The following CNTN6 variants were observed in gnomAD, a reference collection of about 807,000 sequenced individuals.
CNTN6 encodes the protein contactin-6.
CNTN6 carries 137 observed loss-of-function variants against 122.8 expected under a neutral mutation model. That is an observed-to-expected ratio of 1.12 (90% CI 0.97 to 1.29). The LOEUF is 1.29. Among genes scored for constraint, CNTN6 ranks in the 50% most tolerant of loss-of-function variants. The pLI, the probability that CNTN6 is intolerant of heterozygous loss-of-function variation, is 0.00. For synonymous variants in CNTN6, 570 were observed against 426.0 expected (o/e 1.34, Z -4.16); for missense variants, 1,634 against 1,223.4 (o/e 1.34, Z -5.01).
intron 10 of CNTN6, among the ~76,000 whole-genome samples, chr3:1,327,988 G>T (rs1480514834): frequency 8.6e-5 from 13 of 151,852 alleles, no homozygotes; most frequent in Admixed American, 8.6e-4. Context: ...TGGCTGCCGG[G>T]CATGGCACCT....
At chr3:1,383,854 G>T (rs544019358) in intron 19 of CNTN6, among the ~76,000 whole-genome samples, 1 of 139,162 alleles carries the variant, frequency 7.2e-6, no homozygotes, top group East Asian at 1.9e-4. Flanking sequence ...TAGAAAAAGG[G>T]TGGTAACCTC....
At chr3:1,196,177 T>A (rs527619452) in intron 2 of CNTN6, among the ~76,000 whole-genome samples, 9 of 152,356 alleles carry the variant, frequency 5.9e-5, no homozygotes, top group Non-Finnish European at 1.3e-4. Context: ...CATTTGGCAT[T>A]TGCTCAGGCT....
intron 4 of CNTN6, among the ~76,000 whole-genome samples, chr3:1,229,618 A>G (rs1010135975): frequency 6.6e-6 from 1 of 152,182 alleles, no homozygotes; most frequent in African/African-American, 2.4e-5. Flanking sequence ...ACATTATTAT[A>G]TCATACCTTC....
chr3:1,344,629 G>A (rs767843808), intron 11 of CNTN6, among the ~76,000 whole-genome samples: 7 of 152,138 alleles, frequency 4.6e-5, no homozygotes, highest in African/African-American at 7.2e-5. Context: ...CAGGTTCTGT[G>A]AAGGAGGGTA....
chr3:1,279,921 A>C (rs1693073386), intron 5 of CNTN6, among the ~76,000 whole-genome samples: 1 of 152,202 alleles, frequency 6.6e-6, no homozygotes, highest in Non-Finnish European at 1.5e-5. Flanking sequence ...GATAGGGAAG[A>C]GTTGCAATGC....
chr3:1,155,413 C>T (rs999840631), intron 2 of CNTN6, among the ~76,000 whole-genome samples: 2 of 152,170 alleles, frequency 1.3e-5, no homozygotes, highest in African/African-American at 4.8e-5. Context: ...AGCAATTGAA[C>T]TGGTTCTTGT....
At chr3:1,387,530 G>C (rs1302181335) in intron 20 of CNTN6, among the ~76,000 whole-genome samples, 1 of 152,230 alleles carries the variant, frequency 6.6e-6, no homozygotes. Context: ...TTGACTGAGA[G>C]ATGCCAAACT....
At chr3:1,343,697 T>G (rs1417147756) in intron 11 of CNTN6, among the ~76,000 whole-genome samples, 1 of 151,982 alleles carries the variant, frequency 6.6e-6, no homozygotes, top group African/African-American at 2.4e-5. Flanking sequence ...ACACCCATTA[T>G]GCTCTAGGCT....
At chr3:1,110,731 G>C (rs1333863250) in intron 1 of CNTN6, among the ~76,000 whole-genome samples, 1 of 152,072 alleles carries the variant, frequency 6.6e-6, no homozygotes, top group African/African-American at 2.4e-5. Context: ...TGTCAGGATT[G>C]TGATTGAGAT....
intron 5 of CNTN6, among the ~76,000 whole-genome samples, chr3:1,279,038 C>A (rs998618489): frequency 6.6e-6 from 1 of 152,118 alleles, no homozygotes; most frequent in African/African-American, 2.4e-5. Context: ...GAAGCAAATT[C>A]CAACTAACAC....
intron 1 of CNTN6, among the ~76,000 whole-genome samples, chr3:1,099,959 G>C (rs1239845133): frequency 6.6e-6 from 1 of 152,078 alleles, no homozygotes; most frequent in African/African-American, 2.4e-5. Flanking sequence ...ACTAAAGATA[G>C]TGTATATATC....
At chr3:1,106,211 G>T (rs2091212408) in intron 1 of CNTN6, among the ~76,000 whole-genome samples, 1 of 152,078 alleles carries the variant, frequency 6.6e-6, no homozygotes, top group Non-Finnish European at 1.5e-5. Context: ...ATATGTTACA[G>T]ACAGGTAAAG....
intron 5 of CNTN6, among the ~76,000 whole-genome samples, chr3:1,279,086 A>G (rs1196161579): frequency 6.6e-6 from 1 of 152,218 alleles, no homozygotes; most frequent in Non-Finnish European, 1.5e-5. Context: ...CGGAAGGGAT[A>G]GATCACCATT....
chr3:1,212,525 G>GTA (rs1447008666), intron 2 of CNTN6, among the ~76,000 whole-genome samples: 27 of 149,694 alleles, frequency 1.8e-4, no homozygotes, highest in Non-Finnish European at 2.7e-4. Context: ...ATATGTGTGT[G>GTA]TATATATATA....
At chr3:1,327,659 C>T (rs1351434610) in intron 10 of CNTN6, 73 bp downstream of exon 10, 1 of 1,469,136 alleles carries the variant, frequency 6.8e-7, no homozygotes, top group Admixed American at 2.1e-5. Flanking sequence ...TAATCCCAAC[C>T]CAATTTTTTT....
chr3:1,277,879 C>A (rs2125787811), intron 4 of CNTN6, among the ~76,000 whole-genome samples: 1 of 152,220 alleles, frequency 6.6e-6, no homozygotes, highest in Middle Eastern at 3.4e-3. Context: ...CACCACATTC[C>A]AAATAAGATC....
At chr3:1,318,911 G>A (rs760346894) in intron 7 of CNTN6, among the ~76,000 whole-genome samples, 6 of 151,708 alleles carry the variant, frequency 4.0e-5, no homozygotes, top group Admixed American at 1.3e-4. Flanking sequence ...AATCTGGGGC[G>A]GAAGAGGGAT....
At chr3:1,168,000 G>A (rs1209267547) in intron 2 of CNTN6, among the ~76,000 whole-genome samples, 1 of 152,068 alleles carries the variant, frequency 6.6e-6, no homozygotes, top group African/African-American at 2.4e-5. Flanking sequence ...TCCGCCTCCT[G>A]GGTTCAAGCA....
intron 4 of CNTN6, among the ~76,000 whole-genome samples, chr3:1,262,596 A>C (rs1396125886): frequency 6.6e-6 from 1 of 151,996 alleles, no homozygotes; most frequent in Admixed American, 6.6e-5. Context: ...CAATGAACAC[A>C]CAATAATCAT....
Sources: gnomAD v4.1 joint callset for allele counts (sites outside exome capture counted in the v4.1 genomes callset) on GRCh38, gnomAD v4.1.1 for gene constraint, MANE v1.5 for transcripts, NCBI Gene and HGNC (gene_info 2026-07-23, HGNC 2026-07-21) for gene names.